HCN2: variants seen among roughly 807,000 people sequenced by gnomAD.
HCN2 encodes hyperpolarization activated cyclic nucleotide gated potassium and sodium channel 2.
HCN2 carries 20 observed loss-of-function variants against 52.3 expected under a neutral mutation model. That is an observed-to-expected ratio of 0.38 (90% CI 0.27 to 0.56). The LOEUF (loss-of-function observed/expected upper bound fraction) is 0.56. HCN2 is among the 20% of genes least tolerant of loss of function. HCN2 has a pLI of 0.71. For missense variants in HCN2, 981 were observed against 1,207.7 expected, an observed-to-expected ratio of 0.81 and a Z score of 2.78; for synonymous variants, 694 against 537.0, an observed-to-expected ratio of 1.29 and a Z score of -4.04.
At position 615,926 on chromosome 19, in the gene HCN2, G is replaced by A; in HGVS notation, c.2122G>A (p.Gly708Ser). The change falls in exon 8 of 8, where the codon GGT becomes AGT. Residue 708 changes from glycine to serine, a missense_variant. Gly to Ser is a moderately conservative substitution (Grantham distance 56, BLOSUM62 0). This residue lies in a region of HCN2 where 368 missense variants were observed against 314.8 expected (regional missense o/e 1.17). Transcript: ENST00000251287. The stretch of plus-strand genomic sequence containing the variant: ...CGAGATGGTGCAGCAGGCCGAGCTG[G>A]GTCAGCGCGTGGGCCTCTTCCCGCC... ...DREMVQQAEL[G>S]QRVGLFPPPP... is the part of the protein sequence containing the mutation. 1 of 1,611,514 alleles carries A rather than the reference G, an allele frequency of 6.2e-7. No homozygotes were observed. The highest frequency in any genetic ancestry group is 8.5e-7 in the Non-Finnish European group (1 of 1,179,662).
chr19:614,991 C>T (rs1983832500), intron 7 of HCN2, among the ~76,000 whole-genome samples: 2 of 152,160 alleles, frequency 1.3e-5, no homozygotes, highest in Admixed American at 6.5e-5. Context: ...AAGCTCTCCA[C>T]AACTTGCTCT....
rs911099931 is a variant in HCN2 at position 612,144 on chromosome 19, CAAA to C, written c.1585-1093_1585-1091del. 1.0e-4 allele frequency among the ~76,000 whole-genome samples: 14 copies of C among 135,722 alleles called. No homozygotes were observed. The South Asian group carries it at 2.1e-3, about 20-fold the overall frequency. 89.0% of individuals were successfully genotyped at this position (135,722 alleles called of 152,430 possible). A position where few individuals can be genotyped will look rare whatever the true frequency, so the allele number is the denominator to read the frequency against. Reference sequence around the variant, plus strand: ...TGGACAACAGAGCGAGACTCCGTCTCAAAAAAAAAAAAAGTACCAAAAAGTGCC... The same window carrying C: ...TGGACAACAGAGCGAGACTCCGTCTCAAAAAAAAAAGTACCAAAAAGTGCC... On this transcript the variant is annotated intron_variant, in intron 5 of 7. Coordinates refer to ENST00000251287, the MANE Select transcript of HCN2 (RefSeq NM_001194.4).
chr19:590,742 C>T lies in HCN2; in HGVS notation c.632+165C>T. On this transcript the variant is annotated intron_variant, in intron 1 of 7. Coordinates refer to ENST00000251287, the MANE Select transcript of HCN2 (RefSeq NM_001194.4). The surrounding 1 kb of genome is among the most constrained non-coding windows in gnomAD (Gnocchi z 7.2). The stretch of plus-strand genomic sequence containing the variant: ...GTCCGGGACCCGCCCCGGAGTGACC[C>T]CGGCGCGCGAGGCTCCGCCTCTGGG... 1 of 415,304 alleles carries T rather than the reference C, an allele frequency of 2.4e-6. No individual in the cohort carries two copies. The highest frequency in any genetic ancestry group is 3.8e-6 in the Non-Finnish European group (1 of 260,318). The allele number at this position is 415,304 out of a possible 1,614,324, so 25.7% of individuals were successfully genotyped here. A position where few individuals can be genotyped will look rare whatever the true frequency, so the allele number is the denominator to read the frequency against.
chr19:612,248 G>A (rs994315432), intron 5 of HCN2, among the ~76,000 whole-genome samples: 39 of 152,176 alleles, frequency 2.6e-4, no homozygotes. Flanking sequence ...AACGAAGCTG[G>A]AACGTTCCTG....
chr19:590,307 C>G lies in HCN2; in HGVS notation c.362C>G (p.Pro121Arg). 1 of 1,008,384 alleles carries G rather than the reference C, an allele frequency of 9.9e-7. No homozygotes were observed. The highest frequency in any genetic ancestry group is 1.0e-4 in the East Asian group (1 of 9,602). 62.5% of individuals were successfully genotyped at this position (1,008,384 alleles called of 1,614,324 possible). Residue 121 changes from proline to arginine, a missense_variant, in exon 1 of 8, where the codon CCC (proline) becomes CGC (arginine). Pro to Arg is a moderately radical substitution (Grantham distance 103). Transcript: ENST00000251287. The surrounding 1 kb of genome is among the most constrained non-coding windows in gnomAD (Gnocchi z 7.2). ...GGGCCCGAGGGCCCGGCGCGGGGGCCCAAGGTGTCGTTCTCGTGCCGCGGG... is the reference window on the plus strand; with the variant it reads ...GGGCCCGAGGGCCCGGCGCGGGGGCGCAAGGTGTCGTTCTCGTGCCGCGGG... ...PAGPEGPARG[P>R]KVSFSCRGAA...
chr19:593,172 C>T (rs1310788706), intron 1 of HCN2, among the ~76,000 whole-genome samples: 3 of 152,200 alleles, frequency 2.0e-5, no homozygotes, highest in African/African-American at 7.2e-5. Flanking sequence ...CTCCCGTGCT[C>T]GGAAGTGGCC....
chr19:604,622 T>TG (rs1485878217), intron 2 of HCN2, among the ~76,000 whole-genome samples: 1 of 54,638 alleles, frequency 1.8e-5, no homozygotes, highest in Admixed American at 2.2e-4. Context: ...AGGGTTGTGC[T>TG]GGGCGGGGTC....
chr19:597,306 C>T (rs1345410029), intron 1 of HCN2, among the ~76,000 whole-genome samples: 2 of 152,236 alleles, frequency 1.3e-5, no homozygotes, highest in African/African-American at 4.8e-5. Context: ...GTCCTGGGGT[C>T]TCATCCTGCA....
chr19:604,293 A>G (rs562650221), intron 2 of HCN2, among the ~76,000 whole-genome samples: 122 of 47,518 alleles, frequency 2.6e-3, no homozygotes, highest in East Asian at 6.0e-3. Context: ...GGCCCCAGGG[A>G]TGGGGCTATG....
In HCN2 at chr19:590,159, C is replaced by T. The variant is rs1380703459; in HGVS notation, c.214C>T (p.Arg72Trp). The change falls in exon 1 of 8, where the codon CGG (arginine) becomes TGG (tryptophan). Residue 72 changes from arginine to tryptophan, a missense_variant. By Grantham distance (101) the Arg-to-Trp change is moderately radical (BLOSUM62 -3). This residue lies in a region of HCN2 where 215 missense variants were observed against 179.4 expected (regional missense o/e 1.20). Transcript: ENST00000251287. This position sits in a 1 kb window ranked among gnomAD's most constrained non-coding sequence, Gnocchi z 7.2. ...PPEAADEGGP[R>W]GRLRSRDSSC... Reference sequence around the variant, plus strand: ...GGAGGCGGCGGATGAGGGCGGCCCGCGGGGCCGGCTCCGCAGCCGCGACAG... The same window carrying T: ...GGAGGCGGCGGATGAGGGCGGCCCGTGGGGCCGGCTCCGCAGCCGCGACAG... 21 of 974,908 alleles carry T rather than the reference C, an allele frequency of 2.2e-5. No individual in the cohort carries two copies. Among genetic ancestry groups the T allele is most frequent in the Non-Finnish European group, 2.4e-6 (2 of 824,378 alleles). The allele number at this position is 974,908 out of a possible 1,614,324, so 60.4% of individuals were successfully genotyped here.
chr19:603,500 C>G, intron 1 of HCN2, 44 bp from the exon 2 acceptor site: 7 of 1,505,144 alleles, frequency 4.7e-6, no homozygotes, highest in Non-Finnish European at 6.3e-6. Flanking sequence ...CCGCAGGTGC[C>G]CCGGGGAGGC....
rs371730986 is a variant in HCN2 at position 613,394 on chromosome 19, C to T, written c.1731C>T (p.Ile577=). The change falls in exon 6 of 8, where the codon ATC becomes ATT. Residue 577 remains isoleucine, a synonymous_variant. Coordinates refer to ENST00000251287, the MANE Select transcript of HCN2 (RefSeq NM_001194.4). ...ACTACATCATCCGCGAAGGCACCAT[C>T]GGGAAGAAGATGTACTTCATCCAGC... ...PGDYIIREGT[I]GKKMYFIQHG... 351 of 1,612,648 alleles carry T rather than the reference C, an allele frequency of 2.2e-4. 5 individuals are homozygous for T. In the South Asian group the frequency reaches 3.7e-3, roughly 17 times the overall value.
chr19:603,502 C>A, intron 1 of HCN2, 42 bp from the exon 2 acceptor site: 1 of 1,486,554 alleles, frequency 6.7e-7, no homozygotes, highest in South Asian at 1.2e-5. Flanking sequence ...GCAGGTGCCC[C>A]GGGGAGGCAC....
rs1983885791 is a variant in HCN2, at chr19:615,913, G to A, written c.2109G>A (p.Gln703=). Residue 703 remains glutamine, a synonymous_variant, in exon 8 of 8, where the codon CAG becomes CAA. Coordinates refer to ENST00000251287, the MANE Select transcript of HCN2 (RefSeq NM_001194.4). ...EIVKYDREMV[Q]QAELGQRVGL... ...TCAAGTACGACCGCGAGATGGTGCA[G>A]CAGGCCGAGCTGGGTCAGCGCGTGG... 26 of 1,612,154 alleles carry A rather than the reference G, an allele frequency of 1.6e-5. No homozygotes were observed. The highest frequency in any genetic ancestry group is 2.2e-5 in the Non-Finnish European group (26 of 1,179,796).
Position 610,397 on chromosome 19 carries a change from C to G in HCN2, c.1576C>G (p.Leu526Val), listed in dbSNP as rs1028869453. ...CATCCTGGGCGAGCTCAACGGGCCC[C>G]TGCGGGAGGTGAGGCGGGCGCCGGG... ...DSILGELNGPLREEIVNFNCR... is the reference protein window; with the variant it reads ...DSILGELNGPVREEIVNFNCR... The change falls in exon 5 of 8, where the codon CTG becomes GTG. Residue 526 changes from leucine to valine, a missense_variant. Around this residue, in one of 6 missense-constraint regions of HCN2, gnomAD observed 282 missense variants for 553.8 expected, o/e 0.51. Coordinates refer to ENST00000251287, the MANE Select transcript of HCN2 (RefSeq NM_001194.4). 6.2e-7 allele frequency: 1 copy of G among 1,613,186 alleles called. No homozygotes were observed. The highest frequency in any genetic ancestry group is 8.5e-7 in the Non-Finnish European group (1 of 1,179,544).
At chr19:612,427 T>TGTGTTTGTGTGAGA in intron 5 of HCN2, among the ~76,000 whole-genome samples, 21 of 142,256 alleles carry the variant, frequency 1.5e-4, no homozygotes, top group Middle Eastern at 3.4e-3. Flanking sequence ...TGTGTGTGTG[T>TGTGTTTGTGTGAGA]GAGAGAGAGA....
intron 4 of HCN2, among the ~76,000 whole-genome samples, chr19:609,805 G>C (rs1053684359): frequency 6.6e-6 from 1 of 152,216 alleles, no homozygotes; most frequent in Non-Finnish European, 1.5e-5. Context: ...GGAGGCTGAG[G>C]TGGGAGGATT....
intron 7 of HCN2, among the ~76,000 whole-genome samples, chr19:615,238 G>A (rs1339618742): frequency 6.7e-6 from 1 of 149,580 alleles, no homozygotes; most frequent in Admixed American, 6.6e-5. Context: ...TGCCAGGCGC[G>A]GTGGCTCACG....
intron 3 of HCN2, among the ~76,000 whole-genome samples, chr19:607,126 G>A (rs9677028): frequency 0.23 from 35,448 of 151,784 alleles, 5,040 homozygotes; most frequent in African/African-American, 0.4. Flanking sequence ...AGCCAAGATC[G>A]TGCCACTGCA....
Sources: gnomAD v4.1 joint callset for allele counts (sites outside exome capture counted in the v4.1 genomes callset) on GRCh38, gnomAD v4.1.1 for gene constraint, gnomAD v4.1.1 regional missense constraint, Gnocchi (gnomAD v3.1) non-coding constraint, MANE v1.5 for transcripts, NCBI Gene and HGNC (gene_info 2026-07-23, HGNC 2026-07-21) for gene names.